Variants in CNTNAP2 observed in about 807,000 individuals in gnomAD.
CNTNAP2 encodes the protein contactin-associated protein-like 2.
CNTNAP2 carries 98 observed loss-of-function variants against 155.2 expected under a neutral mutation model. That is an observed-to-expected ratio of 0.63 (90% CI 0.54 to 0.75). The LOEUF is 0.75. Ranked by LOEUF, CNTNAP2 falls within the 30% of genes least tolerant of loss-of-function variation. The pLI, the probability that CNTNAP2 is intolerant of heterozygous loss-of-function variation, is 0.00. For missense variants in CNTNAP2, 1,727 were observed against 1,688.1 expected, an observed-to-expected ratio of 1.02 and a Z score of -0.40; for synonymous variants, 651 against 631.2, an observed-to-expected ratio of 1.03 and a Z score of -0.47.
rs116276642 is a variant in CNTNAP2 at position 146,294,213 on chromosome 7, A to G, written c.97+177240A>G. ...TTAGTGCCTTAAGCAAAATTGAATT[A>G]AACATTCAGTCATTCATCTTAAGCA... On this transcript the variant is annotated intron_variant, in intron 1 of 23. Coordinates refer to ENST00000361727, the MANE Select transcript of CNTNAP2 (RefSeq NM_014141.6). Among the ~76,000 whole-genome samples, 623 of 152,336 alleles carry G rather than the reference A, an allele frequency of 4.1e-3. 4 individuals carry two copies. The highest frequency in any genetic ancestry group is 0.015 in the African/African-American group (603 of 41,586).
At position 146,641,133 on chromosome 7, in the gene CNTNAP2, T is replaced by C. The variant is rs1799698714; in HGVS notation, c.98-133138T>C. ...CAAGGTCAGGAGATCGAGGCCATCC[T>C]GGCTAACACTGTGAAACCCCGTCTT... On this transcript the variant is annotated intron_variant, in intron 1 of 23. Transcript: ENST00000361727. Among the ~76,000 whole-genome samples, 3 of 152,144 alleles carry C rather than the reference T, an allele frequency of 2.0e-5. No individual in the cohort carries two copies. In the South Asian group the frequency reaches 6.2e-4, roughly 31 times the overall value.
chr7:146,533,971 A>G (rs1031643796), intron 1 of CNTNAP2, among the ~76,000 whole-genome samples: 1 of 152,170 alleles, frequency 6.6e-6, no homozygotes, highest in Non-Finnish European at 1.5e-5. Flanking sequence ...TGAATTAAAA[A>G]TAGTCTATGT....
intron 8 of CNTNAP2, among the ~76,000 whole-genome samples, chr7:147,279,104 T>A (rs1475112297): frequency 6.6e-6 from 1 of 151,672 alleles, no homozygotes; most frequent in African/African-American, 2.4e-5. Context: ...GTGTTAGTAA[T>A]ACTTACCTAC....
intron 21 of CNTNAP2, among the ~76,000 whole-genome samples, chr7:148,380,484 G>A (rs117951637): frequency 6.6e-6 from 1 of 152,230 alleles, no homozygotes; most frequent in Non-Finnish European, 1.5e-5. Flanking sequence ...TCTCAAAGCA[G>A]TTTTAACAAC....
intron 19 of CNTNAP2, among the ~76,000 whole-genome samples, chr7:148,228,684 C>G (rs1312583499): frequency 6.7e-6 from 1 of 148,572 alleles, no homozygotes; most frequent in Admixed American, 6.7e-5. Flanking sequence ...AAAAATTAGC[C>G]CAGCGTGGTA....
intron 13 of CNTNAP2, among the ~76,000 whole-genome samples, chr7:147,749,563 G>A (rs957914051): frequency 2.0e-5 from 3 of 152,198 alleles, no homozygotes; most frequent in East Asian, 1.9e-4. Flanking sequence ...TATGTGGAAC[G>A]ATCCTTACTG....
chr7:147,711,344 GAA>G (rs1205563010), intron 13 of CNTNAP2, among the ~76,000 whole-genome samples: 1 of 152,146 alleles, frequency 6.6e-6, no homozygotes, highest in Admixed American at 6.5e-5. Flanking sequence ...TAAGACCATA[GAA>G]GAGAGAGCTC....
At chr7:147,233,042 T>G (rs1803719558) in intron 8 of CNTNAP2, among the ~76,000 whole-genome samples, 1 of 152,228 alleles carries the variant, frequency 6.6e-6, no homozygotes, top group African/African-American at 2.4e-5. Context: ...TTCAGATTGA[T>G]TCTACCTAAA....
At chr7:146,534,154 A>G (rs557936620) in intron 1 of CNTNAP2, among the ~76,000 whole-genome samples, 68 of 152,304 alleles carry the variant, frequency 4.5e-4, no homozygotes, top group African/African-American at 1.5e-3. Context: ...AACAGTCTGT[A>G]TAGGAGAAAA....
intron 4 of CNTNAP2, among the ~76,000 whole-genome samples, chr7:147,078,666 A>G (rs1424059502): frequency 6.6e-6 from 1 of 152,030 alleles, no homozygotes; most frequent in Non-Finnish European, 1.5e-5. Flanking sequence ...GTTATTTGGT[A>G]TCTATCTAAT....
intron 13 of CNTNAP2, among the ~76,000 whole-genome samples, chr7:147,751,772 T>C (rs1797139488): frequency 6.6e-6 from 1 of 152,256 alleles, no homozygotes; most frequent in Non-Finnish European, 1.5e-5. Context: ...TTTCTCATTT[T>C]ACTACAAAAA....
chr7:148,277,616 C>T (rs1244179135), intron 21 of CNTNAP2, among the ~76,000 whole-genome samples: 2 of 144,386 alleles, frequency 1.4e-5, no homozygotes, highest in Non-Finnish European at 3.1e-5. Context: ...ACCCCCTACA[C>T]AGCAACCTCT....
At chr7:147,587,072 G>T (rs111742160) in intron 12 of CNTNAP2, among the ~76,000 whole-genome samples, 6,692 of 152,220 alleles carry the variant, frequency 0.044, 224 homozygotes, top group Non-Finnish European at 0.065. Flanking sequence ...AAGCAGTGAG[G>T]AAAGGAAGTG....
chr7:146,351,129 T>G (rs931443453), intron 1 of CNTNAP2, among the ~76,000 whole-genome samples: 8 of 151,662 alleles, frequency 5.3e-5, no homozygotes, highest in African/African-American at 1.9e-4. Context: ...TATATACATA[T>G]GTAACAAACC....
chr7:146,406,760 G>T (rs1795797935), intron 1 of CNTNAP2, among the ~76,000 whole-genome samples: 2 of 152,242 alleles, frequency 1.3e-5, no homozygotes, highest in Admixed American at 1.3e-4. Flanking sequence ...TCAGAGTAAG[G>T]TATCTGAAAA....
intron 13 of CNTNAP2, among the ~76,000 whole-genome samples, chr7:147,824,015 G>A (rs758948177): frequency 2.6e-5 from 4 of 152,134 alleles, no homozygotes; most frequent in African/African-American, 4.8e-5. Flanking sequence ...TTCAGAAGGT[G>A]TATGGGGATG....
At chr7:147,998,770 C>T (rs1031511011) in intron 15 of CNTNAP2, among the ~76,000 whole-genome samples, 1 of 152,056 alleles carries the variant, frequency 6.6e-6, no homozygotes, top group Non-Finnish European at 1.5e-5. Context: ...TGAGTTGGAA[C>T]CAGAAAAACC....
At chr7:146,638,631 C>G (rs1799649399) in intron 1 of CNTNAP2, among the ~76,000 whole-genome samples, 2 of 151,350 alleles carry the variant, frequency 1.3e-5, no homozygotes, top group Admixed American at 1.3e-4. Flanking sequence ...ACTACAGGCA[C>G]CCGCCACCAC....
chr7:146,908,184 T>A (rs1203808077), intron 3 of CNTNAP2, among the ~76,000 whole-genome samples: 1 of 152,030 alleles, frequency 6.6e-6, no homozygotes, highest in Non-Finnish European at 1.5e-5. Context: ...AGACTTAGAC[T>A]CCCAAACATT....
Sources: gnomAD v4.1 joint callset for allele counts (sites outside exome capture counted in the v4.1 genomes callset) on GRCh38, gnomAD v4.1.1 for gene constraint, MANE v1.5 for transcripts, NCBI Gene and HGNC (gene_info 2026-07-23, HGNC 2026-07-21) for gene names.